Variants in EIF2B4 observed in about 807,000 individuals in gnomAD.
EIF2B4 encodes the protein eukaryotic translation initiation factor 2B subunit delta, also known as translation initiation factor eIF2B subunit delta.
EIF2B4 carries 34 observed loss-of-function variants against 66.7 expected under a neutral mutation model. The ratio of observed to expected loss-of-function variants is 0.51; its 90% CI spans 0.39 to 0.68. The LOEUF is 0.68. Among genes scored for constraint, EIF2B4 ranks in the 30% least tolerant of loss-of-function variants. The probability of loss-of-function intolerance (pLI) is 0.00; values close to 1 mark genes in which losing one functional copy is unlikely to be tolerated. For missense variants in EIF2B4, 618 were observed against 657.9 expected, an observed-to-expected ratio of 0.94 and a Z score of 0.66; for synonymous variants, 278 against 253.6, an observed-to-expected ratio of 1.10 and a Z score of -0.92.
chr2:27,370,108 T>G (rs1177648870), intron 1 of EIF2B4, 176 bp downstream of exon 1: 5 of 1,515,382 alleles, frequency 3.3e-6, no homozygotes, highest in Non-Finnish European at 4.4e-6. Flanking sequence ...TCACCGACCC[T>G]CCTCACAGCA....
rs1347693309 is a variant in EIF2B4 at position 27,367,777 on chromosome 2, C to T, written c.751G>A (p.Asp251Asn). The change falls in exon 8 of 13, where the codon GAT (aspartate) becomes AAT (asparagine). Residue 251 changes from aspartate to asparagine, a missense_variant. Coordinates refer to ENST00000347454, the MANE Select transcript of EIF2B4 (RefSeq NM_001034116.2). ...TTPPNEELSR[D>N]LVNKLKPYMS... Reference sequence around the variant, plus strand: ...TAGGGTTTTAGTTTATTCACTAGATCCCTGGAGAGTTCTTCATTAGGCGGT... The same window carrying T: ...TAGGGTTTTAGTTTATTCACTAGATTCCTGGAGAGTTCTTCATTAGGCGGT... 2 of 1,613,888 alleles carry T rather than the reference C, an allele frequency of 1.2e-6. No homozygotes were observed. The highest frequency in any genetic ancestry group is 2.2e-5 in the East Asian group (1 of 44,896).
At position 27,369,280 on chromosome 2, in the gene EIF2B4, G is replaced by A. The variant is rs530486091; in HGVS notation, c.212-68C>T. ...GATATCCGTGCCCCAGCTAAAACTA[G>A]CTTCTCTCCTTGTAAACCTCTTTGC... On this transcript the variant is annotated intron_variant, in intron 3 of 12. Coordinates refer to ENST00000347454, the MANE Select transcript of EIF2B4 (RefSeq NM_001034116.2). 5 of 1,604,184 alleles carry A rather than the reference G, an allele frequency of 3.1e-6. No individual in the cohort carries two copies. The African/African-American group carries it at 4.1e-5, about 13-fold the overall frequency.
At chr2:27,369,288 C>T (rs1682146694) in intron 3 of EIF2B4, 76 bp from the exon 4 acceptor site, 1 of 1,606,986 alleles carries the variant, frequency 6.2e-7, no homozygotes, top group Non-Finnish European at 8.5e-7. Context: ...TAGCTTCTCT[C>T]CTTGTAAACC....
At position 27,368,684 on chromosome 2, in the gene EIF2B4, T is replaced by C. The variant is rs1682055660; in HGVS notation, c.468A>G (p.Arg156=). 1 of 1,614,170 alleles carries C rather than the reference T, an allele frequency of 6.2e-7. No individual in the cohort carries two copies. The highest frequency in any genetic ancestry group is 1.7e-5 in the Admixed American group (1 of 60,018). ...EYPQVDDLLL[R]RLVKKPERQQ... ...GACGCTCTGGTTTTTTAACAAGCCT[T>C]CTCAGAAGTAGGTCATCAACCTGAG... Residue 156 remains arginine (R), a synonymous_variant, in exon 5 of 13, where the codon AGA becomes AGG. Transcript: ENST00000347454.
intron 7 of EIF2B4, 50 bp downstream of exon 7, chr2:27,367,975 T>C (rs990557179): frequency 6.6e-7 from 1 of 1,513,552 alleles, no homozygotes; most frequent in Non-Finnish European, 9.0e-7. Context: ...GCTGGGGTAG[T>C]ATTGGGGGAG....
At chr2:27,367,936 TCCCC>T in intron 7 of EIF2B4, 85 bp downstream of exon 7, 7 of 1,470,076 alleles carry the variant, frequency 4.8e-6, no homozygotes, top group Non-Finnish European at 6.6e-6. Context: ...ATTCCCTCTG[TCCCC>T]CAGAGATGAC....
In EIF2B4 at chr2:27,364,715, T is replaced by TA. The variant is rs1283792648; in HGVS notation, c.1372+2dup. 3 of 1,614,118 alleles carry TA rather than the reference T, an allele frequency of 1.9e-6. No individual in the cohort carries two copies. Among genetic ancestry groups the TA allele is most frequent in the Non-Finnish European group, 2.5e-6 (3 of 1,180,050 alleles). On this transcript the variant is annotated splice_region_variant and intron_variant, in intron 12 of 12. Coordinates refer to ENST00000347454, the MANE Select transcript of EIF2B4 (RefSeq NM_001034116.2). ...GCTGGAGGCTTCTCTTTTGCCTCCT[T>TA]ACCTAGCTCATTAGAGACAAAGGCA...
rs754665816 is a variant in EIF2B4, at chr2:27,368,725, G to A, written c.427C>T (p.Arg143Cys). ...TAGETPSGVK[R>C]LPEYPQVDDL... ...TCAACCTGAGGGTACTCAGGGAGAC[G>A]CTTCACTCCTGAAAGATAATCATCA... The change falls in exon 5 of 13, where the codon CGT becomes TGT. Residue 143 changes from arginine to cysteine, a missense_variant. Arg to Cys is a radical substitution (Grantham distance 180, BLOSUM62 -3). This residue lies in a region of EIF2B4 where 506 missense variants were observed against 511.9 expected (regional missense o/e 0.99). Coordinates refer to ENST00000347454, the MANE Select transcript of EIF2B4 (RefSeq NM_001034116.2). 14 of 1,613,990 alleles carry A rather than the reference G, an allele frequency of 8.7e-6. No individual in the cohort carries two copies. In the Admixed American group the frequency reaches 1.3e-4, roughly 15 times the overall value.
rs746821092 is a variant in EIF2B4, at chr2:27,364,390, G to A, written c.*10C>T. On this transcript the variant is annotated 3_prime_UTR_variant, in exon 13 of 13. Transcript: ENST00000347454. ...GGAGTATGGCATTTATTAACCCTGT[G>A]TTTCCCCCGTCACTGGTCACTGCTC... 1 of 1,613,622 alleles carries A rather than the reference G, an allele frequency of 6.2e-7. No homozygotes were observed. Among genetic ancestry groups the A allele is most frequent in the Admixed American group, 1.7e-5 (1 of 59,948 alleles).
At position 27,364,557 on chromosome 2, in the gene EIF2B4, G is replaced by T. The variant is rs1457766329; in HGVS notation, c.1415C>A (p.Ala472Glu). The T allele has an allele frequency of 4.3e-6, 7 of 1,614,148 alleles. No homozygotes were observed. The highest frequency in any genetic ancestry group is 1.3e-5 in the African/African-American group (1 of 75,038). The part of the protein sequence containing the change: ...DLQCKRGEHV[A>E]LANWQNHASL... ...TGCGTGGTTCTGCCAGTTAGCCAGC[G>T]CAACATGTTCTCCCCGCTTACATTG... is the stretch of plus-strand genomic sequence containing the variant. Residue 472 changes from alanine (A) to glutamate (E), a missense_variant, in exon 13 of 13, where the codon GCG becomes GAG. This residue lies in a region of EIF2B4 where 63 missense variants were observed against 47.5 expected (regional missense o/e 1.33). Transcript: ENST00000347454.
chr2:27,370,250 G>T, intron 1 of EIF2B4, 34 bp downstream of exon 1: 1 of 1,545,258 alleles, frequency 6.5e-7, no homozygotes, highest in Admixed American at 2.0e-5. Flanking sequence ...CGTCGGCTCC[G>T]CGTACCAGTA....
Position 27,368,716 on chromosome 2 carries a change from C to G in EIF2B4, c.436G>C (p.Glu146Gln). 1 of 1,614,134 alleles carries G rather than the reference C, an allele frequency of 6.2e-7. No homozygotes were observed. The change falls in exon 5 of 13, where the codon GAG (glutamate) becomes CAG (glutamine). Residue 146 changes from glutamate (E) to glutamine (Q), a missense_variant. Glu to Gln is a conservative substitution (Grantham distance 29, BLOSUM62 2). Coordinates refer to ENST00000347454, the MANE Select transcript of EIF2B4 (RefSeq NM_001034116.2). ...AGTAGGTCATCAACCTGAGGGTACT[C>G]AGGGAGACGCTTCACTCCTGAAAGA... ...ETPSGVKRLP[E>Q]YPQVDDLLLR...
Position 27,369,176 on chromosome 2 carries a change from T to C in EIF2B4, c.248A>G (p.Gln83Arg). The change falls in exon 4 of 13, where the codon CAG becomes CGG. Residue 83 changes from glutamine (Q) to arginine (R), a missense_variant. By Grantham distance (43) the Gln-to-Arg change is conservative. Around this residue, in one of 4 missense-constraint regions of EIF2B4, gnomAD observed 506 missense variants for 511.9 expected, o/e 0.99. Transcript: ENST00000347454. ...AACTTTCTCCCGAGGAGTGCCCAACTGAATGCCCGATTCTGGCAGTTCTCT... is the reference window on the plus strand; with the variant it reads ...AACTTTCTCCCGAGGAGTGCCCAACCGAATGCCCGATTCTGGCAGTTCTCT... Reference protein sequence around the residue: ...PTRELPESGIQLGTPREKVPA... With the variant: ...PTRELPESGIRLGTPREKVPA... The C allele has an allele frequency of 6.2e-7, 1 of 1,613,038 alleles. No individual in the cohort carries two copies. The highest frequency in any genetic ancestry group is 8.5e-7 in the Non-Finnish European group (1 of 1,179,984).
intron 5 of EIF2B4, 41 bp from the exon 6 acceptor site, chr2:27,368,504 A>T: frequency 1.3e-6 from 2 of 1,583,502 alleles, no homozygotes; most frequent in Non-Finnish European, 1.7e-6. Flanking sequence ...CCCAGAGTTT[A>T]AAAAGGATGG....
In EIF2B4 at chr2:27,368,474, C is replaced by T. The variant is rs769763044; in HGVS notation, c.499-11G>A. The T allele has an allele frequency of 1.2e-6, 2 of 1,610,984 alleles. No homozygotes were observed. The highest frequency in any genetic ancestry group is 1.7e-6 in the Non-Finnish European group (2 of 1,177,228). On this transcript the variant is annotated splice_polypyrimidine_tract_variant and intron_variant, in intron 5 of 12. Transcript: ENST00000347454. ...CTTTCGTGTAGGAACCTTGACAAAA[C>T]AAGGGAACAGGACCAATGGCCCAGA...
At position 27,370,167 on chromosome 2, in the gene EIF2B4, A is replaced by G. The variant is rs1352292573; in HGVS notation, c.31+117T>C. ...CTGCGCTCGAGACTGTGTAGACCGG[A>G]GCCCAGCGTGGCGCTGGAACGGAGC... On this transcript the variant is annotated intron_variant, in intron 1 of 12. Coordinates refer to ENST00000347454, the MANE Select transcript of EIF2B4 (RefSeq NM_001034116.2). The G allele has an allele frequency of 1.9e-5, 30 of 1,544,684 alleles. 1 individual carries two copies. In the East Asian group the frequency reaches 5.4e-4, roughly 28 times the overall value.
chr2:27,369,469 T>C lies in EIF2B4; in HGVS notation c.156A>G (p.Glu52=), dbSNP rs747824895. The C allele has an allele frequency of 2.5e-6, 4 of 1,614,098 alleles. No individual in the cohort carries two copies. The highest frequency in any genetic ancestry group is 3.4e-6 in the Non-Finnish European group (4 of 1,180,004). ...CAGTCTCTGGTTCTGCCCCCTTTTC[T>C]TCCTTCCGTTTCTTCTTCTGCTGTT... is the stretch of plus-strand genomic sequence containing the variant. ...EKKQQKKKRK[E]EKGAEPETGS... Residue 52 remains glutamate (E), a synonymous_variant, in exon 3 of 13, where the codon GAA becomes GAG. Coordinates refer to ENST00000347454, the MANE Select transcript of EIF2B4 (RefSeq NM_001034116.2).
chr2:27,365,272 G>A (rs1045245311), intron 11 of EIF2B4, among the ~76,000 whole-genome samples: 7 of 151,774 alleles, frequency 4.6e-5, no homozygotes, highest in Non-Finnish European at 8.8e-5. Flanking sequence ...CTCCACGTTG[G>A]TCAGGCTGGT....
chr2:27,365,153 T>A lies in EIF2B4; in HGVS notation c.1192-255A>T, dbSNP rs1572600110. On this transcript the variant is annotated intron_variant, in intron 11 of 12. Transcript: ENST00000347454. ...CTCACCACAACCTCTGCCTCCTGGG[T>A]TCAAGTGATTCTCCTGCCTCAGCCT... is the stretch of plus-strand genomic sequence containing the variant. The A allele has an allele frequency of 9.6e-6, 4 of 415,236 alleles. No homozygotes were observed. The East Asian group carries it at 1.6e-4, about 17-fold the overall frequency. 25.7% of individuals were successfully genotyped at this position (415,236 alleles called of 1,614,324 possible).
Sources: gnomAD v4.1 joint callset for allele counts (sites outside exome capture counted in the v4.1 genomes callset) on GRCh38, gnomAD v4.1.1 for gene constraint, gnomAD v4.1.1 regional missense constraint, MANE v1.5 for transcripts, NCBI Gene and HGNC (gene_info 2026-07-23, HGNC 2026-07-21) for gene names.